EXO1: variants seen among roughly 807,000 people sequenced by gnomAD.
EXO1 encodes the protein exonuclease 1.
EXO1 carries 69 observed loss-of-function variants against 84.5 expected under a neutral mutation model. The observed-to-expected ratio is 0.82, with a 90% CI of 0.67 to 1.00. The LOEUF (loss-of-function observed/expected upper bound fraction) is 1.00, where lower values mean the gene tolerates loss of function less well. Ranked by LOEUF, EXO1 falls within the 50% of genes least tolerant of loss-of-function variation. The pLI is 0.00. For missense variants in EXO1, 1,045 were observed against 1,000.7 expected (o/e 1.04, Z -0.60); for synonymous variants, 373 against 366.1 (o/e 1.02, Z -0.21).
intron 12 of EXO1, among the ~76,000 whole-genome samples, chr1:241,877,786 A>G (rs780470456): frequency 1.3e-5 from 2 of 149,892 alleles, no homozygotes; most frequent in African/African-American, 4.8e-5. Context: ...TTTATGATTG[A>G]TTTGAAAGAA....
chr1:241,872,766 T>C (rs983334313), intron 12 of EXO1, among the ~76,000 whole-genome samples: 2 of 152,212 alleles, frequency 1.3e-5, no homozygotes, highest in Non-Finnish European at 1.5e-5. Flanking sequence ...GATGGGCATT[T>C]GGGTTGGTTC....
chr1:241,850,078 G>A (rs1660569987), intron 3 of EXO1, among the ~76,000 whole-genome samples: 1 of 151,810 alleles, frequency 6.6e-6, no homozygotes, highest in Non-Finnish European at 1.5e-5. Flanking sequence ...TCAGGAGATC[G>A]AGACCATCCT....
At chr1:241,855,231 A>T (rs963788083) in intron 6 of EXO1, among the ~76,000 whole-genome samples, 41 of 152,146 alleles carry the variant, frequency 2.7e-4, no homozygotes, top group Admixed American at 1.0e-3. Context: ...CAGGGTGCTG[A>T]TTGGTGCGTT....
Position 241,872,124 on chromosome 1 carries a change from A to G in EXO1, c.1360A>G (p.Ser454Gly). The change falls in exon 12 of 16, where the codon AGC (serine) becomes GGC (glycine). Residue 454 changes from serine to glycine, a missense_variant. Coordinates refer to ENST00000366548, the MANE Select transcript of EXO1 (RefSeq NM_130398.4). The part of the protein sequence containing the change: ...KNSSEGNKSL[S>G]FSEVFVPDLV... ...TAGCTCTGAAGGCAATAAATCATTG[A>G]GCTTTTCTGAAGTGTTTGTGCCTGA... 6.2e-7 allele frequency: 1 copy of G among 1,614,006 alleles called. No individual in the cohort carries two copies. The highest frequency in any genetic ancestry group is 1.1e-5 in the South Asian group (1 of 91,072).
At position 241,858,616 on chromosome 1, in the gene EXO1, G is replaced by A; in HGVS notation, c.654G>A (p.Met218Ile). 5 of 1,614,036 alleles carry A rather than the reference G, an allele frequency of 3.1e-6. No individual in the cohort carries two copies. The highest frequency in any genetic ancestry group is 3.4e-6 in the Non-Finnish European group (4 of 1,179,900). Residue 218 changes from methionine (M) to isoleucine (I), a missense_variant, in exon 8 of 16, where the codon ATG becomes ATA. By Grantham distance (10) the Met-to-Ile change is conservative (BLOSUM62 1). Coordinates refer to ENST00000366548, the MANE Select transcript of EXO1 (RefSeq NM_130398.4). ...DVFTEEKFRY[M>I]CILSGCDYLS... Reference sequence around the variant, plus strand: ...TCACGGAAGAGAAGTTTCGTTACATGTGTATTCTTTCAGGTTGTGACTACC... The same window carrying A: ...TCACGGAAGAGAAGTTTCGTTACATATGTATTCTTTCAGGTTGTGACTACC...
rs369543845 is a variant in EXO1, at chr1:241,872,174, A to T, written c.1410A>T (p.Lys470Asn). The change falls in exon 12 of 16, where the codon AAA (lysine) becomes AAT (asparagine). Residue 470 changes from lysine (K) to asparagine (N), a missense_variant. Transcript: ENST00000366548. ...ACCTGGTAAATGGACCTACTAACAAAAAGAGTGTAAGCACTCCACCTAGGA... is the reference window on the plus strand; with the variant it reads ...ACCTGGTAAATGGACCTACTAACAATAAGAGTGTAAGCACTCCACCTAGGA... ...VPDLVNGPTN[K>N]KSVSTPPRTR... The T allele has an allele frequency of 2.7e-5, 44 of 1,613,966 alleles. No individual in the cohort carries two copies. In the Admixed American group the frequency reaches 7.3e-4, roughly 27 times the overall value.
chr1:241,875,354 G>A (rs1662331272), intron 12 of EXO1, among the ~76,000 whole-genome samples: 2 of 152,198 alleles, frequency 1.3e-5, no homozygotes, highest in African/African-American at 4.8e-5. Flanking sequence ...GTCTAACCAT[G>A]ATGATGGGAG....
At chr1:241,860,335 A>T (rs957908035) in intron 8 of EXO1, among the ~76,000 whole-genome samples, 182 bp from the exon 9 acceptor site, 1 of 152,186 alleles carries the variant, frequency 6.6e-6, no homozygotes, top group African/African-American at 2.4e-5. Context: ...AGAAAATACT[A>T]GTTATGAGAC....
At chr1:241,869,381 G>A (rs777365895) in intron 11 of EXO1, among the ~76,000 whole-genome samples, 3 of 152,198 alleles carry the variant, frequency 2.0e-5, no homozygotes, top group Non-Finnish European at 4.4e-5. Flanking sequence ...TTGGGGAAAC[G>A]TGGGAATTTT....
chr1:241,855,064 A>C (rs749405961), intron 6 of EXO1, among the ~76,000 whole-genome samples: 1 of 152,216 alleles, frequency 6.6e-6, no homozygotes, highest in Non-Finnish European at 1.5e-5. Flanking sequence ...AGTGAGCAGT[A>C]GCAAGATGTA....
At chr1:241,871,999 C>G (rs947211523) in intron 11 of EXO1, 33 bp from the exon 12 acceptor site, 1 of 1,564,214 alleles carries the variant, frequency 6.4e-7, no homozygotes. Context: ...ACAGGTGAAA[C>G]AAAGATTTAC....
chr1:241,858,620 ATTC>A lies in EXO1; in HGVS notation c.661_663del (p.Leu221del). The A allele has an allele frequency of 6.2e-7, 1 of 1,614,038 alleles. No homozygotes were observed. The highest frequency in any genetic ancestry group is 8.5e-7 in the Non-Finnish European group (1 of 1,179,928). On this transcript the variant is annotated inframe_deletion, in exon 8 of 16. Coordinates refer to ENST00000366548, the MANE Select transcript of EXO1 (RefSeq NM_130398.4). ...GGAAGAGAAGTTTCGTTACATGTGT[ATTC>A]TTTCAGGTTGTGACTACCTGTCATC...
At chr1:241,883,731 C>T (rs1662895769) in intron 14 of EXO1, among the ~76,000 whole-genome samples, 3 of 49,898 alleles carry the variant, frequency 6.0e-5, no homozygotes, top group Admixed American at 6.1e-4. Context: ...ATGTTATTAA[C>T]AATATGTATA....
rs568138096 is a variant in EXO1, at chr1:241,859,926, G to A, written c.757-591G>A. ...CTGAGTCCTCAGGACTAAGAGTGAT[G>A]TCATGTAATGGAAAGATCTCTAGGT... On this transcript the variant is annotated intron_variant, in intron 8 of 15. Transcript: ENST00000366548. Among the ~76,000 whole-genome samples the A allele has an allele frequency of 2.6e-5, 4 of 152,278 alleles. 1 individual carries two copies. The South Asian group carries it at 8.3e-4, about 32-fold the overall frequency.
chr1:241,857,606 TA>T, intron 7 of EXO1, 124 bp downstream of exon 7: 1 of 321,314 alleles, frequency 3.1e-6, no homozygotes, highest in Non-Finnish European at 5.2e-6. Context: ...TTATAATATT[TA>T]TAAAATATTA....
At chr1:241,860,104 TC>T (rs781097844) in intron 8 of EXO1, among the ~76,000 whole-genome samples, 1 of 152,234 alleles carries the variant, frequency 6.6e-6, no homozygotes, top group African/African-American at 2.4e-5. Context: ...TCCATGACTC[TC>T]ACAGAAATCA....
In EXO1 at chr1:241,879,044, A is replaced by G. The variant is rs1476714525; in HGVS notation, c.1810A>G (p.Thr604Ala). Residue 604 changes from threonine (T) to alanine (A), a missense_variant, in exon 13 of 16, where the codon ACA (threonine) becomes GCA (alanine). Coordinates refer to ENST00000366548, the MANE Select transcript of EXO1 (RefSeq NM_130398.4). ...TRTISPPTLG[T>A]LRSCFSWSGG... ...GACCATTTCACCACCCACTTTGGGA[A>G]CACTAAGAAGTTGTTTTAGTTGGTC... 6.2e-7 allele frequency: 1 copy of G among 1,614,242 alleles called. No individual in the cohort carries two copies. Among genetic ancestry groups the G allele is most frequent in the Non-Finnish European group, 8.5e-7 (1 of 1,180,042 alleles).
intron 12 of EXO1, among the ~76,000 whole-genome samples, chr1:241,875,459 T>C (rs1308759951): frequency 6.6e-6 from 1 of 152,224 alleles, no homozygotes; most frequent in Non-Finnish European, 1.5e-5. Context: ...AAGGAAACAG[T>C]TGCAATACAA....
Position 241,857,223 on chromosome 1 carries a change from ATT to A in EXO1, c.406-120_406-119del, listed in dbSNP as rs1661105121. ...GAAAAACTCTACTTCAAAGGAAATG[ATT>A]TCTCAAAGTAATATTAGCATGTGCC... On this transcript the variant is annotated intron_variant, in intron 6 of 15. Transcript: ENST00000366548. The A allele has an allele frequency of 4.4e-6, 4 of 915,566 alleles. No homozygotes were observed. In the East Asian group the frequency reaches 9.9e-5, roughly 23 times the overall value. The allele number at this position is 915,566 out of a possible 1,614,324, so 56.7% of individuals were successfully genotyped here. A position where few individuals can be genotyped will look rare whatever the true frequency, so the allele number is the denominator to read the frequency against.
Sources: allele counts gnomAD v4.1 joint callset (sites outside exome capture counted in the v4.1 genomes callset), GRCh38; gene constraint gnomAD v4.1.1; transcripts MANE v1.5; gene names NCBI Gene and HGNC (gene_info 2026-07-23, HGNC 2026-07-21).